The following DACH2 variants were observed in gnomAD, a reference collection of about 807,000 sequenced individuals.
DACH2 encodes the protein dachshund family transcription factor 2.
A neutral mutation model predicts 35.8 loss-of-function variants in DACH2; 17 were observed. The observed-to-expected ratio is 0.48, with a 90% CI of 0.33 to 0.71. The LOEUF (loss-of-function observed/expected upper bound fraction) is 0.71. Ranked by LOEUF, DACH2 falls within the 30% of genes least tolerant of loss-of-function variation. The pLI is 0.02. For missense variants in DACH2, 469 were observed against 472.7 expected (o/e 0.99, Z 0.07); for synonymous variants, 195 against 177.3 (o/e 1.10, Z -0.79).
chrX:86,537,160 C>T (rs1301835112), intron 3 of DACH2, among the ~76,000 whole-genome samples: 2 of 111,657 alleles, frequency 1.8e-5, no homozygotes, highest in African/African-American at 6.5e-5. Context: ...ATGTTTCTAG[C>T]TTGTACTATC....
At chrX:86,714,942 T>C (rs1383161988) in intron 6 of DACH2, among the ~76,000 whole-genome samples, 1 of 111,892 alleles carries the variant, frequency 8.9e-6, no homozygotes, top group Non-Finnish European at 1.9e-5. Context: ...TTCTATTTCC[T>C]GTCTTGCAAT....
intron 1 of DACH2, among the ~76,000 whole-genome samples, chrX:86,334,971 G>T (rs1201215764): frequency 3.6e-5 from 4 of 111,884 alleles, no homozygotes; most frequent in Non-Finnish European, 7.5e-5. Flanking sequence ...TCAGTTTTCT[G>T]CATATGGCTA....
chrX:86,270,022 A>ATT (rs1200708372), intron 1 of DACH2, among the ~76,000 whole-genome samples: 1,129 of 100,030 alleles, frequency 0.011, 14 homozygotes, highest in African/African-American at 0.04. Flanking sequence ...ATATATATAT[A>ATT]TTATATATAT....
At chrX:86,546,503 C>CTTTT (rs35560036) in intron 3 of DACH2, among the ~76,000 whole-genome samples, 11 of 69,808 alleles carry the variant, frequency 1.6e-4, no homozygotes, top group African/African-American at 5.5e-4. Flanking sequence ...CTTCTTCTTT[C>CTTTT]TTTTTTTTTT....
chrX:86,722,713 T>C (rs1199185088), intron 6 of DACH2, among the ~76,000 whole-genome samples: 1 of 111,465 alleles, frequency 9.0e-6, no homozygotes, highest in Non-Finnish European at 1.9e-5. Flanking sequence ...TTATATATTA[T>C]CTTTTTGATG....
chrX:86,233,173 A>C (rs764617043), intron 1 of DACH2, among the ~76,000 whole-genome samples: 2 of 111,340 alleles, frequency 1.8e-5, no homozygotes, highest in Admixed American at 1.9e-4. Flanking sequence ...GGAACGATAC[A>C]CACTGGGTCT....
intron 6 of DACH2, among the ~76,000 whole-genome samples, chrX:86,737,274 A>G (rs754656136): frequency 9.0e-6 from 1 of 111,259 alleles, no homozygotes; most frequent in South Asian, 3.8e-4. Flanking sequence ...TTCCGTGCAG[A>G]CATTATGTGA....
At chrX:86,406,484 T>A (rs2036529760) in intron 2 of DACH2, among the ~76,000 whole-genome samples, 1 of 111,945 alleles carries the variant, frequency 8.9e-6, no homozygotes, top group African/African-American at 3.2e-5. Flanking sequence ...CATCACATCA[T>A]GCATTATAGC....
intron 3 of DACH2, among the ~76,000 whole-genome samples, chrX:86,578,451 C>G (rs1283373693): frequency 9.0e-6 from 1 of 111,160 alleles, no homozygotes; most frequent in Non-Finnish European, 1.9e-5. Context: ...CCATTATTTA[C>G]TCAGATTTCC....
At chrX:86,640,313 A>G (rs2040329375) in intron 3 of DACH2, among the ~76,000 whole-genome samples, 1 of 110,947 alleles carries the variant, frequency 9.0e-6, no homozygotes, top group South Asian at 3.9e-4. Flanking sequence ...CCCCAGACTA[A>G]TGAAGAAGCA....
At chrX:86,539,468 A>T (rs927095389) in intron 3 of DACH2, among the ~76,000 whole-genome samples, 1 of 111,917 alleles carries the variant, frequency 8.9e-6, no homozygotes, top group Non-Finnish European at 1.9e-5. Flanking sequence ...TTTTATTATG[A>T]GGACAGGTCC....
chrX:86,739,909 T>C (rs758115835), intron 7 of DACH2, 27 bp downstream of exon 7: 3 of 1,153,988 alleles, frequency 2.6e-6, no homozygotes, highest in Non-Finnish European at 2.3e-6. Flanking sequence ...AAACAGGTAA[T>C]TGGAAAACAT....
intron 3 of DACH2, among the ~76,000 whole-genome samples, chrX:86,648,690 GGTA>G (rs1475894687): frequency 5.5e-5 from 6 of 109,951 alleles, no homozygotes; most frequent in Admixed American, 2.9e-4. Flanking sequence ...TGGTTTCATG[GGTA>G]TAAACTTAGC....
intron 7 of DACH2, among the ~76,000 whole-genome samples, chrX:86,752,166 C>G (rs905857961): frequency 9.9e-5 from 11 of 111,455 alleles, no homozygotes; most frequent in Non-Finnish European, 2.1e-4. Context: ...ACATGATTTA[C>G]TCATGTAACA....
chrX:86,688,032 A>C (rs1403386844), intron 4 of DACH2, among the ~76,000 whole-genome samples: 1 of 109,549 alleles, frequency 9.1e-6, no homozygotes, highest in Non-Finnish European at 1.9e-5. Flanking sequence ...CCTAGAACTT[A>C]AAGTATAATA....
intron 6 of DACH2, among the ~76,000 whole-genome samples, chrX:86,736,577 A>G (rs2041598926): frequency 9.0e-6 from 1 of 111,184 alleles, no homozygotes; most frequent in African/African-American, 3.3e-5. Context: ...TTCTGTTTTT[A>G]TAGGTGCTCT....
chrX:86,423,521 ATT>A (rs202030008), intron 2 of DACH2, among the ~76,000 whole-genome samples: 1 of 103,335 alleles, frequency 9.7e-6, no homozygotes, highest in Admixed American at 1.0e-4. Flanking sequence ...AGATAATTAG[ATT>A]TTTTTTTTTC....
chrX:86,742,577 C>G, intron 7 of DACH2: 2 of 181,686 alleles, frequency 1.1e-5, no homozygotes, highest in Non-Finnish European at 2.2e-5. Context: ...ATTCGTGTGA[C>G]ACTTTTCTGC....
intron 3 of DACH2, among the ~76,000 whole-genome samples, chrX:86,631,520 G>A (rs2148388257): frequency 8.9e-6 from 1 of 111,960 alleles, no homozygotes; most frequent in African/African-American, 3.2e-5. Context: ...AAATAATATG[G>A]CAGATCTAAA....
Sources: allele counts gnomAD v4.1 joint callset (sites outside exome capture counted in the v4.1 genomes callset), GRCh38; gene constraint gnomAD v4.1.1; transcripts MANE v1.5; gene names NCBI Gene and HGNC (gene_info 2026-07-23, HGNC 2026-07-21).